Variants in XPO4 observed in about 807,000 individuals in gnomAD.
The protein encoded by XPO4 is exportin-4.
XPO4 carries 39 observed loss-of-function variants against 143.0 expected under a neutral mutation model. The ratio of observed to expected loss-of-function variants is 0.27; its 90% confidence interval spans 0.21 to 0.36. XPO4 has a LOEUF of 0.36. XPO4 is among the 10% of genes least tolerant of loss of function. The pLI, the probability that XPO4 is intolerant of heterozygous loss-of-function variation, is 1.00. For missense variants in XPO4, 907 were observed against 1,348.0 expected, an observed-to-expected ratio of 0.67 and a Z score of 5.12; for synonymous variants, 439 against 474.0, an observed-to-expected ratio of 0.93 and a Z score of 0.96.
intron 18 of XPO4, among the ~76,000 whole-genome samples, chr13:20,795,694 G>A (rs754228833): frequency 2.0e-5 from 3 of 152,168 alleles, no homozygotes; most frequent in Non-Finnish European, 4.4e-5. Context: ...ACTGGCATCT[G>A]GAGTCACAGG....
At chr13:20,881,281 T>C (rs1268277722) in intron 1 of XPO4, among the ~76,000 whole-genome samples, 1 of 152,158 alleles carries the variant, frequency 6.6e-6, no homozygotes, top group Non-Finnish European at 1.5e-5. Context: ...ATAATTTTTT[T>C]TTTTTGAAAC....
intron 1 of XPO4, among the ~76,000 whole-genome samples, chr13:20,882,700 C>A (rs980733622): frequency 6.6e-6 from 1 of 151,992 alleles, no homozygotes; most frequent in South Asian, 2.1e-4. Context: ...CCAGCCTGGC[C>A]AACATGGCAA....
At chr13:20,869,569 A>G (rs2138136196) in intron 1 of XPO4, 1 of 854,602 alleles carries the variant, frequency 1.2e-6, no homozygotes, top group East Asian at 1.2e-4. Context: ...AGATGATGAA[A>G]AATGTTACAA....
In XPO4 at chr13:20,780,578, C is replaced by G. The variant is rs1595040585; in HGVS notation, c.*3144G>C. 1 of 152,018 alleles carries G rather than the reference C, an allele frequency of 6.6e-6. No homozygotes were observed. The highest frequency in any genetic ancestry group is 1.9e-4 in the East Asian group (1 of 5,182). The allele number at this position is 152,018 out of a possible 1,614,324, so 9.4% of individuals were successfully genotyped here. ...GAAAATCATGGACAAGTGGTAGTAA[C>G]CATCCCATCTGAACAGAGTAATGTA... On this transcript the variant is annotated 3_prime_UTR_variant, in exon 23 of 23. Coordinates refer to ENST00000255305, the MANE Select transcript of XPO4 (RefSeq NM_022459.5).
At chr13:20,859,951 GA>G in intron 3 of XPO4, 1 of 620,114 alleles carries the variant, frequency 1.6e-6, no homozygotes. Context: ...ACAAGGGGGA[GA>G]AAAGGCTATG....
At chr13:20,901,742 A>G (rs919467728) in intron 1 of XPO4, among the ~76,000 whole-genome samples, 1 of 152,206 alleles carries the variant, frequency 6.6e-6, no homozygotes, top group Non-Finnish European at 1.5e-5. Flanking sequence ...AAAAAGTCCA[A>G]AAAGGTAACA....
intron 1 of XPO4, among the ~76,000 whole-genome samples, chr13:20,898,063 A>T (rs570212419): frequency 1.3e-5 from 2 of 152,222 alleles, no homozygotes; most frequent in African/African-American, 4.8e-5. Flanking sequence ...AGGTTTTCTC[A>T]TTTATAAGGT....
chr13:20,865,444 G>C, intron 2 of XPO4: 3 of 985,070 alleles, frequency 3.0e-6, no homozygotes, highest in South Asian at 4.7e-5. Context: ...GCCTCATCTA[G>C]AATTTCTAAA....
At chr13:20,848,138 C>T in intron 4 of XPO4, 1 of 609,268 alleles carries the variant, frequency 1.6e-6, no homozygotes, top group Non-Finnish European at 2.1e-6. Context: ...TTCACTGCTG[C>T]TGGCAATTTG....
chr13:20,849,761 G>A (rs1046066078), intron 4 of XPO4: 3 of 985,194 alleles, frequency 3.0e-6, no homozygotes, highest in Non-Finnish European at 2.4e-6. Flanking sequence ...AGATACTTCT[G>A]AAAGCCTTTA....
chr13:20,790,526 G>A lies in XPO4; in HGVS notation c.2852C>T (p.Ala951Val), dbSNP rs778723281. The change falls in exon 19 of 23, where the codon GCA becomes GTA. Residue 951 changes from alanine to valine, a missense_variant. Transcript: ENST00000255305. The stretch of plus-strand genomic sequence containing the variant: ...TACTCCATACAACACAACATCCGCT[G>A]CTGACACAGATCTGTTTGCTGCTTG... ...PGQAANRSVS[A>V]ADVVLYGVNL... The A allele has an allele frequency of 6.2e-7, 1 of 1,614,174 alleles. No homozygotes were observed. The highest frequency in any genetic ancestry group is 8.5e-7 in the Non-Finnish European group (1 of 1,180,028).
At chr13:20,868,756 A>G (rs1486477264) in intron 1 of XPO4, 55 bp from the exon 2 acceptor site, 4 of 1,501,866 alleles carry the variant, frequency 2.7e-6, no homozygotes, top group Non-Finnish European at 2.7e-6. Flanking sequence ...AGCTTAAATA[A>G]TATCAATATT....
At chr13:20,817,299 A>C (rs1465891038) in intron 9 of XPO4, among the ~76,000 whole-genome samples, 1 of 152,262 alleles carries the variant, frequency 6.6e-6, no homozygotes, top group South Asian at 2.1e-4. Flanking sequence ...TTACCCAACA[A>C]GCCAGAGAAA....
chr13:20,872,155 T>A (rs1772676341), intron 1 of XPO4, among the ~76,000 whole-genome samples: 2 of 152,090 alleles, frequency 1.3e-5, no homozygotes, highest in Admixed American at 1.3e-4. Flanking sequence ...AAAATACACA[T>A]TTTTCCCTCA....
intron 12 of XPO4, 58 bp downstream of exon 12, chr13:20,808,378 T>C: frequency 6.9e-7 from 1 of 1,446,666 alleles, no homozygotes; most frequent in Non-Finnish European, 9.2e-7. Context: ...GGAAGCTTCT[T>C]TTAAGGCTTA....
At chr13:20,886,495 C>T (rs557727482) in intron 1 of XPO4, among the ~76,000 whole-genome samples, 1 of 151,882 alleles carries the variant, frequency 6.6e-6, no homozygotes, top group African/African-American at 2.4e-5. Context: ...GCCTGTAATC[C>T]CAGTTACTCG....
At chr13:20,858,692 A>C (rs1474199888) in intron 3 of XPO4, among the ~76,000 whole-genome samples, 1 of 151,990 alleles carries the variant, frequency 6.6e-6, no homozygotes, top group African/African-American at 2.4e-5. Context: ...CAAAATGGTG[A>C]AACCCCGTCT....
chr13:20,885,390 T>C (rs1443995502), intron 1 of XPO4, among the ~76,000 whole-genome samples: 1 of 152,098 alleles, frequency 6.6e-6, no homozygotes, highest in Non-Finnish European at 1.5e-5. Flanking sequence ...ACATAGTTTA[T>C]GACAACAAAC....
chr13:20,859,811 A>T, intron 3 of XPO4: 1 of 930,832 alleles, frequency 1.1e-6, no homozygotes, highest in Non-Finnish European at 1.3e-6. Flanking sequence ...ACAAATAAAA[A>T]GGAAAAAAAA....
Sources: gnomAD v4.1 joint callset for allele counts (sites outside exome capture counted in the v4.1 genomes callset) on GRCh38, gnomAD v4.1.1 for gene constraint, MANE v1.5 for transcripts, NCBI Gene and HGNC (gene_info 2026-07-23, HGNC 2026-07-21) for gene names.